OR9Q2: variants seen among roughly 807,000 people sequenced by gnomAD.
OR9Q2 encodes the protein olfactory receptor 9Q2.
In OR9Q2, 2 loss-of-function variants were observed where a neutral mutation model predicts 2.3. That is an observed-to-expected ratio of 0.85 (90% CI 0.35 to 2.68). OR9Q2 has a LOEUF of 2.68. Ranked by LOEUF, OR9Q2 falls within the 30% of genes most tolerant of loss-of-function variation. OR9Q2 has a pLI of 0.10. For synonymous variants in OR9Q2, 178 were observed against 158.6 expected, an observed-to-expected ratio of 1.12 and a Z score of -0.92; for missense variants, 404 against 395.7, an observed-to-expected ratio of 1.02 and a Z score of -0.18.
chr11:58,191,631 T>A lies in OR9Q2; in HGVS notation c.*196T>A, dbSNP rs1590633732. On this transcript the variant is annotated 3_prime_UTR_variant, in exon 2 of 2. Coordinates refer to ENST00000641291, the MANE Select transcript of OR9Q2 (RefSeq NM_001005283.3). ...TATTAGATGTTATATGTGTTTGACA[T>A]TTTCTAATGCTCACAACTAGAAAGT... 5 of 465,936 alleles carry A rather than the reference T, an allele frequency of 1.1e-5. No individual in the cohort carries two copies. Among genetic ancestry groups the A allele is most frequent in the Non-Finnish European group, 1.9e-5 (5 of 264,652 alleles). 28.9% of individuals were successfully genotyped at this position (465,936 alleles called of 1,614,324 possible).
rs1854750325 is a variant in OR9Q2 at position 58,190,642 on chromosome 11, G to C, written c.152G>C (p.Gly51Ala). The C allele has an allele frequency of 6.2e-7, 1 of 1,613,952 alleles. No homozygotes were observed. The highest frequency in any genetic ancestry group is 1.1e-5 in the South Asian group (1 of 91,074). Residue 51 changes from glycine to alanine, a missense_variant, in exon 2 of 2, where the codon GGC (glycine) becomes GCC (alanine). Transcript: ENST00000641291. ...ACAGGCATGATCCTCCTGATCCGTG[G>C]CGATCGTCGGCTCCACACCCCGATG... ...GNTGMILLIR[G>A]DRRLHTPMYF...
At position 58,191,489 on chromosome 11, in the gene OR9Q2, T is replaced by C. The variant is rs529924603; in HGVS notation, c.*54T>C. 24 of 1,301,830 alleles carry C rather than the reference T, an allele frequency of 1.8e-5. No homozygotes were observed. Among genetic ancestry groups the C allele is most frequent in the Middle Eastern group, 3.8e-4 (2 of 5,206 alleles). 80.6% of individuals were successfully genotyped at this position (1,301,830 alleles called of 1,614,324 possible). A position where few individuals can be genotyped will look rare whatever the true frequency, so the allele number is the denominator to read the frequency against. ...TAGTTTCCCCATCTTTTCTGTCTTTTCTCAATAGCACCTTCTGGAGAGACT... is the reference window on the plus strand; with the variant it reads ...TAGTTTCCCCATCTTTTCTGTCTTTCCTCAATAGCACCTTCTGGAGAGACT... On this transcript the variant is annotated 3_prime_UTR_variant, in exon 2 of 2. Transcript: ENST00000641291.
Position 58,191,051 on chromosome 11 carries a change from C to A in OR9Q2, c.561C>A (p.Leu187=). ...IFCDLPPLLK[L]SCGDSYTQEV... is the part of the protein sequence containing the mutation. ...GTGACCTCCCTCCTCTATTAAAACT[C>A]TCCTGTGGGGACAGCTACACTCAGG... is the stretch of plus-strand genomic sequence containing the variant. Residue 187 remains leucine (L), a synonymous_variant, in exon 2 of 2, where the codon CTC becomes CTA. Coordinates refer to ENST00000641291, the MANE Select transcript of OR9Q2 (RefSeq NM_001005283.3). 6.2e-7 allele frequency: 1 copy of A among 1,614,174 alleles called. No individual in the cohort carries two copies. Among genetic ancestry groups the A allele is most frequent in the South Asian group, 1.1e-5 (1 of 91,086 alleles).
Position 58,192,451 on chromosome 11 carries a change from CTCTTT to C in OR9Q2, c.*1023_*1027del, listed in dbSNP as rs1170786519. On this transcript the variant is annotated 3_prime_UTR_variant, in exon 2 of 2. Transcript: ENST00000641291. Reference sequence around the variant, plus strand: ...ACTCAACCGGAATTTATTGTTATTGCTCTTTTCTTTTTCCTTTTATCTGGTGAAGA... The same window carrying C: ...ACTCAACCGGAATTTATTGTTATTGCTCTTTTTCCTTTTATCTGGTGAAGA... 2.0e-5 allele frequency: 3 copies of C among 152,108 alleles called. No individual in the cohort carries two copies. The highest frequency in any genetic ancestry group is 4.4e-5 in the Non-Finnish European group (3 of 68,024). 9.4% of individuals were successfully genotyped at this position (152,108 alleles called of 1,614,324 possible). A position where few individuals can be genotyped will look rare whatever the true frequency, so the allele number is the denominator to read the frequency against.
Position 58,191,702 on chromosome 11 carries a change from T to A in OR9Q2, c.*267T>A, listed in dbSNP as rs147638635. On this transcript the variant is annotated 3_prime_UTR_variant, in exon 2 of 2. Transcript: ENST00000641291. The stretch of plus-strand genomic sequence containing the variant: ...CTTTTTTATCTGAGCTTCATTTCTA[T>A]ATGTCCAGTTCCTAGCAAAGCACCT... 6.8e-6 allele frequency: 2 copies of A among 295,136 alleles called. No homozygotes were observed. The highest frequency in any genetic ancestry group is 4.2e-5 in the African/African-American group (2 of 47,108). The allele number at this position is 295,136 out of a possible 1,614,324, so 18.3% of individuals were successfully genotyped here.
intron 1 of OR9Q2, among the ~76,000 whole-genome samples, chr11:58,189,948 T>C (rs1854742350): frequency 1.3e-5 from 2 of 152,226 alleles, no homozygotes; most frequent in African/African-American, 4.8e-5. Flanking sequence ...GCAGAGCCCA[T>C]TGCTGATTGC....
rs564166899 is a variant in OR9Q2, at chr11:58,193,917, G to A, written c.*2482G>A. 1.3e-5 allele frequency: 2 copies of A among 152,128 alleles called. No individual in the cohort carries two copies. The highest frequency in any genetic ancestry group is 6.5e-5 in the Admixed American group (1 of 15,286). 9.4% of individuals were successfully genotyped at this position (152,128 alleles called of 1,614,324 possible). A position where few individuals can be genotyped will look rare whatever the true frequency, so the allele number is the denominator to read the frequency against. On this transcript the variant is annotated 3_prime_UTR_variant, in exon 2 of 2. Transcript: ENST00000641291. The stretch of plus-strand genomic sequence containing the variant: ...AGAGTGCTTCAATAAATAGTTAATC[G>A]GCTTAGTGCCTCCAAGCAGGCACTA...
Position 58,191,127 on chromosome 11 carries a change from G to T in OR9Q2, c.637G>T (p.Val213Leu). 6.2e-7 allele frequency: 1 copy of T among 1,614,178 alleles called. No homozygotes were observed. The highest frequency in any genetic ancestry group is 8.5e-7 in the Non-Finnish European group (1 of 1,180,038). The change falls in exon 2 of 2, where the codon GTG (valine) becomes TTG (leucine). Residue 213 changes from valine to leucine, a missense_variant. Val to Leu is a conservative substitution (Grantham distance 32, BLOSUM62 1). Coordinates refer to ENST00000641291, the MANE Select transcript of OR9Q2 (RefSeq NM_001005283.3). ...ALFVMPACIL[V>L]ILVSYLFIIV... ...TTTCGTCATGCCTGCCTGTATCTTGGTGATCTTGGTATCCTACCTGTTTAT... is the reference window on the plus strand; with the variant it reads ...TTTCGTCATGCCTGCCTGTATCTTGTTGATCTTGGTATCCTACCTGTTTAT...
rs774555417 is a variant in OR9Q2, at chr11:58,191,190, C to T, written c.700C>T (p.Arg234Trp). The change falls in exon 2 of 2, where the codon CGG (arginine) becomes TGG (tryptophan). Residue 234 changes from arginine to tryptophan, a missense_variant. By Grantham distance (101) the Arg-to-Trp change is moderately radical. Transcript: ENST00000641291. ...CCTGCAGATCCACTCTGCTGGAGGC[C>T]GGGCCAAGACCTTCTCCACCTGCGC... is the stretch of plus-strand genomic sequence containing the variant. Reference protein sequence around the residue: ...AILQIHSAGGRAKTFSTCASH... With the variant: ...AILQIHSAGGWAKTFSTCASH... 2 of 1,613,980 alleles carry T rather than the reference C, an allele frequency of 1.2e-6. No homozygotes were observed. Among genetic ancestry groups the T allele is most frequent in the East Asian group, 2.2e-5 (1 of 44,882 alleles).
At chr11:58,189,482 G>C (rs1294901395) in intron 1 of OR9Q2, among the ~76,000 whole-genome samples, 2 of 152,126 alleles carry the variant, frequency 1.3e-5, no homozygotes, top group African/African-American at 4.8e-5. Context: ...ATGACTTTCA[G>C]ATCTAATTTG....
intron 1 of OR9Q2, among the ~76,000 whole-genome samples, chr11:58,189,881 A>G (rs1854741714): frequency 6.6e-6 from 1 of 152,216 alleles, no homozygotes; most frequent in Non-Finnish European, 1.5e-5. Context: ...TAATTAGGAT[A>G]ACAGCTGTTT....
At chr11:58,189,762 C>A (rs758305513) in intron 1 of OR9Q2, among the ~76,000 whole-genome samples, 13 of 152,112 alleles carry the variant, frequency 8.5e-5, no homozygotes, top group Non-Finnish European at 1.3e-4. Flanking sequence ...GCTTATGGAG[C>A]TTTGTTAGGT....
At chr11:58,189,782 A>T (rs996743347) in intron 1 of OR9Q2, among the ~76,000 whole-genome samples, 1 of 152,098 alleles carries the variant, frequency 6.6e-6, no homozygotes, top group African/African-American at 2.4e-5. Context: ...TGCCCAAAAA[A>T]ACTTATGTTT....
At chr11:58,189,300 T>C (rs776195342) in intron 1 of OR9Q2, among the ~76,000 whole-genome samples, 192 bp downstream of exon 1, 1 of 152,126 alleles carries the variant, frequency 6.6e-6, no homozygotes, top group Non-Finnish European at 1.5e-5. Context: ...AAAGGCAAGG[T>C]AACTGAAGCC....
Position 58,192,952 on chromosome 11 carries a change from A to G in OR9Q2, c.*1517A>G, listed in dbSNP as rs1854778604. The stretch of plus-strand genomic sequence containing the variant: ...CTCAGAACTTGGCACCAAAGTGTCC[A>G]GTCTGCCACTTCTTAGCAGTGTGGC... On this transcript the variant is annotated 3_prime_UTR_variant, in exon 2 of 2. Transcript: ENST00000641291. 6.6e-6 allele frequency: 1 copy of G among 152,226 alleles called. No individual in the cohort carries two copies. The highest frequency in any genetic ancestry group is 2.4e-5 in the African/African-American group (1 of 41,470). 9.4% of individuals were successfully genotyped at this position (152,226 alleles called of 1,614,324 possible).
chr11:58,191,111 G>A lies in OR9Q2; in HGVS notation c.621G>A (p.Met207Ile), dbSNP rs778442539. The A allele has an allele frequency of 1.9e-6, 3 of 1,614,156 alleles. No individual in the cohort carries two copies. Among genetic ancestry groups the A allele is most frequent in the East Asian group, 4.5e-5 (2 of 44,880 alleles). The change falls in exon 2 of 2, where the codon ATG becomes ATA. Residue 207 changes from methionine (M) to isoleucine (I), a missense_variant. Met to Ile is a conservative substitution (Grantham distance 10, BLOSUM62 1). Coordinates refer to ENST00000641291, the MANE Select transcript of OR9Q2 (RefSeq NM_001005283.3). ...TTATTGTGTTTGCTCTTTTCGTCAT[G>A]CCTGCCTGTATCTTGGTGATCTTGG... ...VVIIVFALFV[M>I]PACILVILVS...
rs1386326767 is a variant in OR9Q2 at position 58,191,651 on chromosome 11, G to GA, written c.*219dup. ...TGACATTTTCTAATGCTCACAACTA[G>GA]AAAGTAAGCAACATGAGAGCAAATA... On this transcript the variant is annotated 3_prime_UTR_variant, in exon 2 of 2. Coordinates refer to ENST00000641291, the MANE Select transcript of OR9Q2 (RefSeq NM_001005283.3). 9.3e-6 allele frequency: 4 copies of GA among 428,344 alleles called. No individual in the cohort carries two copies. In the Admixed American group the frequency reaches 1.5e-4, roughly 16 times the overall value. The allele number at this position is 428,344 out of a possible 1,614,324, so 26.5% of individuals were successfully genotyped here. A position where few individuals can be genotyped will look rare whatever the true frequency, so the allele number is the denominator to read the frequency against.
Position 58,192,116 on chromosome 11 carries a change from A to AAATAATAATATAAT in OR9Q2, c.*691_*692insTAATAATAATAATA, listed in dbSNP as rs1854770939. ...TGTGATTTTTGAATAACAATGAGGA[A>AAATAATAATATAAT]AATAATAATAATAATAATAATAATA... On this transcript the variant is annotated 3_prime_UTR_variant, in exon 2 of 2. Coordinates refer to ENST00000641291, the MANE Select transcript of OR9Q2 (RefSeq NM_001005283.3). 6.9e-6 allele frequency: 1 copy of AAATAATAATATAAT among 145,588 alleles called. No homozygotes were observed. Among genetic ancestry groups the AAATAATAATATAAT allele is most frequent in the African/African-American group, 2.5e-5 (1 of 39,860 alleles). 9.0% of individuals were successfully genotyped at this position (145,588 alleles called of 1,614,324 possible).
rs1854780852 is a variant in OR9Q2 at position 58,193,213 on chromosome 11, T to C, written c.*1778T>C. The C allele has an allele frequency of 6.6e-6, 1 of 152,204 alleles. No individual in the cohort carries two copies. Among genetic ancestry groups the C allele is most frequent in the Non-Finnish European group, 1.5e-5 (1 of 68,050 alleles). 9.4% of individuals were successfully genotyped at this position (152,204 alleles called of 1,614,324 possible). On this transcript the variant is annotated 3_prime_UTR_variant, in exon 2 of 2. Transcript: ENST00000641291. ...GGCTCCACAGCCTAGTGAGTAGTGA[T>C]GGGCAGAGGGACCCATAGCTGATCT...
Sources: allele counts gnomAD v4.1 joint callset (sites outside exome capture counted in the v4.1 genomes callset), GRCh38; gene constraint gnomAD v4.1.1; transcripts MANE v1.5; gene names NCBI Gene and HGNC (gene_info 2026-07-23, HGNC 2026-07-21).